The following EML1 variants were observed in gnomAD, a reference collection of about 807,000 sequenced individuals.
EML1 encodes the protein echinoderm microtubule-associated protein-like 1.
A neutral mutation model predicts 110.4 loss-of-function variants in EML1; 27 were observed. That is an observed-to-expected ratio of 0.24 (90% confidence interval 0.18 to 0.34). The LOEUF (loss-of-function observed/expected upper bound fraction) is 0.34. EML1 is among the 10% of genes least tolerant of loss of function. The pLI, the probability that EML1 is intolerant of heterozygous loss-of-function variation, is 1.00. For missense variants in EML1, 741 were observed against 1,030.9 expected (o/e 0.72, Z 3.85); for synonymous variants, 344 against 385.8 (o/e 0.89, Z 1.27).
chr14:99,792,253 C>G (rs1241673390), upstream of EML1, among the ~76,000 whole-genome samples: 2 of 152,176 alleles, frequency 1.3e-5, no homozygotes, highest in Non-Finnish European at 2.9e-5. Flanking sequence ...GTTCTTATTT[C>G]ACCTACTCTA....
At chr14:99,904,595 A>T (rs1222284811) in intron 9 of EML1, among the ~76,000 whole-genome samples, 1 of 152,244 alleles carries the variant, frequency 6.6e-6, no homozygotes, top group Non-Finnish European at 1.5e-5. Context: ...ATATATAAAC[A>T]TCACACACAT....
intron 1 of EML1, among the ~76,000 whole-genome samples, chr14:99,828,396 C>T (rs1483031028): frequency 6.6e-6 from 1 of 152,178 alleles, no homozygotes. Context: ...TAATAGGAGT[C>T]TCCGTTATCA....
At chr14:99,833,071 A>T (rs575963856) in intron 1 of EML1, among the ~76,000 whole-genome samples, 1 of 152,238 alleles carries the variant, frequency 6.6e-6, no homozygotes, top group African/African-American at 2.4e-5. Flanking sequence ...TATCTACAAG[A>T]TCTTTGCCTA....
intron 1 of EML1, among the ~76,000 whole-genome samples, chr14:99,740,282 C>G (rs774183061): frequency 8.5e-5 from 13 of 152,136 alleles, no homozygotes; most frequent in African/African-American, 3.1e-4. Context: ...GGATTCGAAC[C>G]CAGTTCCTCA....
rs1039395800 is a variant in EML1 at position 99,917,957 on chromosome 14, G to A, written c.1820+108G>A. 99 of 1,110,494 alleles carry A rather than the reference G, an allele frequency of 8.9e-5. No homozygotes were observed. In the East Asian group the frequency reaches 1.4e-3, roughly 16 times the overall value. 68.8% of individuals were successfully genotyped at this position (1,110,494 alleles called of 1,614,324 possible). ...CCGTTCAGCTCTTGGCTACATGTTC[G>A]AAGCTTCTAATGACTTACCAAGAAT... On this transcript the variant is annotated intron_variant, in intron 16 of 21. Coordinates refer to ENST00000262233, the MANE Select transcript of EML1 (RefSeq NM_004434.3).
chr14:99,898,344 AAC>A (rs2059705514), intron 8 of EML1, 42 bp downstream of exon 8: 1 of 1,565,668 alleles, frequency 6.4e-7, no homozygotes, highest in East Asian at 2.3e-5. Flanking sequence ...ATGAACTGGT[AAC>A]ACAAAGTAAT....
chr14:99,916,263 T>C (rs185558586), intron 15 of EML1, among the ~76,000 whole-genome samples: 7 of 152,318 alleles, frequency 4.6e-5, no homozygotes, highest in Non-Finnish European at 1.5e-5. Flanking sequence ...TTACGAGGCT[T>C]AGATGAATGA....
At chr14:99,829,500 A>T (rs1663583512) in intron 1 of EML1, among the ~76,000 whole-genome samples, 1 of 152,236 alleles carries the variant, frequency 6.6e-6, no homozygotes, top group Non-Finnish European at 1.5e-5. Context: ...GATTTTAACC[A>T]TTTTAAATGT....
chr14:99,746,097 G>A (rs531551540), intron 1 of EML1, among the ~76,000 whole-genome samples: 2 of 152,112 alleles, frequency 1.3e-5, no homozygotes, highest in South Asian at 2.1e-4. Context: ...TCCACATGAC[G>A]CCCCCTTTAA....
chr14:99,914,080 T>G, intron 13 of EML1, 99 bp from the exon 14 acceptor site: 2 of 1,428,228 alleles, frequency 1.4e-6, no homozygotes, highest in Non-Finnish European at 1.9e-6. Context: ...TATATAAAAC[T>G]GTTATAGGGA....
At chr14:99,870,540 A>G (rs1048487237) in intron 3 of EML1, among the ~76,000 whole-genome samples, 3 of 152,254 alleles carry the variant, frequency 2.0e-5, no homozygotes, top group Non-Finnish European at 1.5e-5. Flanking sequence ...TAGGGCTTTT[A>G]TATGAGAAGT....
intron 1 of EML1, among the ~76,000 whole-genome samples, chr14:99,803,938 TACTATTG>T (rs2057926596): frequency 6.6e-6 from 1 of 152,254 alleles, no homozygotes; most frequent in Non-Finnish European, 1.5e-5. Context: ...ATGCTTTATC[TACTATTG>T]AGTCGCTTAT....
chr14:99,780,955 G>A (rs1033882410), intron 1 of EML1, among the ~76,000 whole-genome samples: 3 of 152,130 alleles, frequency 2.0e-5, no homozygotes, highest in African/African-American at 7.2e-5. Context: ...CCATCGTTAA[G>A]CAACACCTGT....
At chr14:99,770,098 A>G (rs969520223), upstream of EML1, among the ~76,000 whole-genome samples, 2 of 152,138 alleles carry the variant, frequency 1.3e-5, no homozygotes, top group African/African-American at 4.8e-5. Flanking sequence ...CCCCTAAGAT[A>G]GTGGAATGAC....
intron 1 of EML1, among the ~76,000 whole-genome samples, chr14:99,743,237 C>T (rs1429057838): frequency 6.6e-6 from 1 of 152,164 alleles, no homozygotes; most frequent in African/African-American, 2.4e-5. Flanking sequence ...CAGGTCGAGC[C>T]CCTCCAGCAC....
rs760074586 is a variant in EML1 at position 99,911,399 on chromosome 14, G to C, written c.1340-23G>C. On this transcript the variant is annotated intron_variant, in intron 12 of 21. Coordinates refer to ENST00000262233, the MANE Select transcript of EML1 (RefSeq NM_004434.3). ...GGCAACCTTTTGACAATGTGCTAAT[G>C]ATGGTTTTCTTGGTGTGTTTAGGTA... 3 of 1,563,272 alleles carry C rather than the reference G, an allele frequency of 1.9e-6. No homozygotes were observed. In the African/African-American group the frequency reaches 4.2e-5, roughly 22 times the overall value.
intron 1 of EML1, among the ~76,000 whole-genome samples, chr14:99,806,902 C>T (rs574865463): frequency 2.0e-5 from 3 of 152,220 alleles, no homozygotes; most frequent in South Asian, 4.1e-4. Flanking sequence ...GCCTTCTGAT[C>T]GCCAATAACA....
At chr14:99,911,992 C>A (rs1254661396) in intron 13 of EML1, among the ~76,000 whole-genome samples, 1 of 151,252 alleles carries the variant, frequency 6.6e-6, no homozygotes, top group Non-Finnish European at 1.5e-5. Flanking sequence ...CCCTCCTGGG[C>A]TCAAGTGATC....
chr14:99,931,248 C>G (rs543398416), intron 17 of EML1, among the ~76,000 whole-genome samples: 3 of 152,252 alleles, frequency 2.0e-5, no homozygotes, highest in African/African-American at 7.2e-5. Context: ...CGCTGCCACC[C>G]CCTCCCTCCC....
Sources: allele counts gnomAD v4.1 joint callset (sites outside exome capture counted in the v4.1 genomes callset), GRCh38; gene constraint gnomAD v4.1.1; transcripts MANE v1.5; gene names NCBI Gene and HGNC (gene_info 2026-07-23, HGNC 2026-07-21).